PDE1C: variants seen among roughly 807,000 people sequenced by gnomAD.
PDE1C encodes the protein phosphodiesterase 1C.
Under a neutral mutation model 93.1 loss-of-function variants are expected in PDE1C, and 62 were observed. That is an observed-to-expected ratio of 0.67 (90% CI 0.54 to 0.82). The LOEUF is 0.82. Among genes scored for constraint, PDE1C ranks in the 40% least tolerant of loss-of-function variants. PDE1C has a pLI of 0.00. For synonymous variants in PDE1C, 325 were observed against 310.1 expected, an observed-to-expected ratio of 1.05 and a Z score of -0.50; for missense variants, 742 against 884.6, an observed-to-expected ratio of 0.84 and a Z score of 2.04.
At chr7:31,896,009 A>ACATACATACATG (rs1554399974) in intron 2 of PDE1C, among the ~76,000 whole-genome samples, 2 of 151,672 alleles carry the variant, frequency 1.3e-5, no homozygotes, top group African/African-American at 4.9e-5. Context: ...ATACATACAT[A>ACATACATACATG]CATACATACA....
the PDE1C span, among the ~76,000 whole-genome samples, chr7:31,701,942 G>C: frequency 6.6e-6 from 1 of 152,206 alleles, no homozygotes; most frequent in Non-Finnish European, 1.5e-5. Context: ...GTATGGCTCT[G>C]TTTATTGTGA....
chr7:31,875,718 G>A (rs1796461742), intron 5 of PDE1C, among the ~76,000 whole-genome samples: 1 of 144,526 alleles, frequency 6.9e-6, no homozygotes, highest in African/African-American at 2.6e-5. Flanking sequence ...TTCTAAAGAA[G>A]AGCACACAGC....
chr7:31,746,707 T>C (rs1037796090), downstream of PDE1C, among the ~76,000 whole-genome samples: 1 of 152,156 alleles, frequency 6.6e-6, no homozygotes, highest in Non-Finnish European at 1.5e-5. Context: ...CTCTGAGACT[T>C]CAGGGAAGAA....
chr7:32,281,080 G>A (rs1011474287), intron 1 of PDE1C, among the ~76,000 whole-genome samples: 1 of 151,920 alleles, frequency 6.6e-6, no homozygotes, highest in Non-Finnish European at 1.5e-5. Flanking sequence ...TTTTAAATCA[G>A]TGCAGAAAAA....
intron 1 of PDE1C, among the ~76,000 whole-genome samples, chr7:32,234,583 T>TA (rs751027611): frequency 1.4e-4 from 21 of 152,128 alleles, no homozygotes; most frequent in Non-Finnish European, 2.7e-4. Context: ...ATAGGTAACA[T>TA]AAATTATTCT....
At chr7:31,873,240 A>G in intron 6 of PDE1C, 52 bp downstream of exon 6, 1 of 1,097,538 alleles carries the variant, frequency 9.1e-7, no homozygotes, top group Non-Finnish European at 1.4e-6. Context: ...TCATATGAGG[A>G]TAAACATATG....
At chr7:31,819,281 C>T (rs377529614) in intron 14 of PDE1C, among the ~76,000 whole-genome samples, 6 of 152,100 alleles carry the variant, frequency 3.9e-5, no homozygotes, top group Non-Finnish European at 8.8e-5. Context: ...CAAGCAAGCA[C>T]ATAAATAAGA....
intron 2 of PDE1C, among the ~76,000 whole-genome samples, chr7:31,903,786 A>T (rs1800262440): frequency 6.6e-6 from 1 of 152,138 alleles, no homozygotes; most frequent in Non-Finnish European, 1.5e-5. Context: ...ACTTGGTCAA[A>T]CCCATTTATT....
At chr7:32,304,785 T>C (rs1387578396) in intron 1 of PDE1C, among the ~76,000 whole-genome samples, 2 of 152,190 alleles carry the variant, frequency 1.3e-5, no homozygotes, top group Non-Finnish European at 2.9e-5. Context: ...TAATAATGTA[T>C]GTAAAAGACT....
At chr7:31,695,891 C>T in the PDE1C span, 8,454 of 265,826 alleles carry the variant, frequency 0.032, 218 homozygotes, top group African/African-American at 0.072. Flanking sequence ...TTCAAAGAGT[C>T]ATTCAGGGAC....
chr7:32,080,047 C>T (rs1007266565), intron 3 of PDE1C, among the ~76,000 whole-genome samples: 9 of 152,192 alleles, frequency 5.9e-5, no homozygotes, highest in African/African-American at 2.2e-4. Context: ...ATATTTCTGA[C>T]AAGAGGGAAC....
chr7:32,112,384 G>A (rs557480893), intron 3 of PDE1C, among the ~76,000 whole-genome samples: 3 of 150,922 alleles, frequency 2.0e-5, no homozygotes, highest in East Asian at 3.9e-4. Flanking sequence ...CAAATATTTT[G>A]CCAATGGCTG....
At chr7:31,872,595 A>C (rs566360150) in intron 6 of PDE1C, among the ~76,000 whole-genome samples, 2 of 152,272 alleles carry the variant, frequency 1.3e-5, no homozygotes, top group East Asian at 3.9e-4. Flanking sequence ...GGAGAAATCA[A>C]TATGTGGTAC....
At chr7:32,063,358 C>G (rs748094697) in intron 1 of PDE1C, among the ~76,000 whole-genome samples, 4 of 152,208 alleles carry the variant, frequency 2.6e-5, no homozygotes, top group Non-Finnish European at 5.9e-5. Context: ...AAACACTTTT[C>G]TTCCATGTGG....
At chr7:32,061,659 T>C (rs77820249) in intron 1 of PDE1C, among the ~76,000 whole-genome samples, 320 of 152,348 alleles carry the variant, frequency 2.1e-3, no homozygotes, top group African/African-American at 7.3e-3. Flanking sequence ...CCCTGGGTCA[T>C]GGCCTCTTTC....
the PDE1C span, among the ~76,000 whole-genome samples, chr7:31,620,497 C>G: frequency 4.0e-5 from 6 of 150,560 alleles, no homozygotes; most frequent in East Asian, 1.2e-3. Context: ...CCCAGGCAAA[C>G]AGGGTCTGGA....
chr7:32,395,435 G>C (rs879816680), intron 1 of PDE1C, among the ~76,000 whole-genome samples: 59 of 152,262 alleles, frequency 3.9e-4, no homozygotes, highest in African/African-American at 1.3e-3. Context: ...GGCATAAAAA[G>C]GGATATGGGT....
chr7:31,917,073 G>A (rs1357396323), intron 2 of PDE1C, among the ~76,000 whole-genome samples: 1 of 152,106 alleles, frequency 6.6e-6, no homozygotes, highest in Non-Finnish European at 1.5e-5. Flanking sequence ...AGCTCAAAAT[G>A]AGGCAGTACC....
At chr7:32,063,802 C>T (rs1563271643) in intron 1 of PDE1C, among the ~76,000 whole-genome samples, 1 of 152,214 alleles carries the variant, frequency 6.6e-6, no homozygotes, top group Non-Finnish European at 1.5e-5. Context: ...ATGTAGCGTC[C>T]ACATCACTTA....
Sources: allele counts gnomAD v4.1 joint callset (sites outside exome capture counted in the v4.1 genomes callset), GRCh38; gene constraint gnomAD v4.1.1; transcripts MANE v1.5; gene names NCBI Gene and HGNC (gene_info 2026-07-23, HGNC 2026-07-21).